VSIG10: variants seen among roughly 807,000 people sequenced by gnomAD.
VSIG10 encodes V-set and immunoglobulin domain-containing protein 10.
A neutral mutation model predicts 58.7 loss-of-function variants in VSIG10; 48 were observed. That is an observed-to-expected ratio of 0.82 (90% CI 0.65 to 1.04). The LOEUF (loss-of-function observed/expected upper bound fraction) is 1.04. VSIG10 is among the 50% of genes least tolerant of loss of function. The pLI is 0.00. For missense variants in VSIG10, 628 were observed against 670.0 expected (o/e 0.94, Z 0.69); for synonymous variants, 260 against 267.1 (o/e 0.97, Z 0.26).
In VSIG10 at chr12:118,095,586, C is replaced by A. The variant is rs1045379521; in HGVS notation, c.308G>T (p.Cys103Phe). The A allele has an allele frequency of 6.2e-7, 1 of 1,613,994 alleles. No homozygotes were observed. Among genetic ancestry groups the A allele is most frequent in the Non-Finnish European group, 8.5e-7 (1 of 1,179,898 alleles). The change falls in exon 2 of 9, where the codon TGC becomes TTC. Residue 103 changes from cysteine to phenylalanine, a missense_variant. Transcript: ENST00000359236. Reference sequence around the variant, plus strand: ...CTGAGTCACATTCAGGATCTCCTGGCAGGTGTAGATTCCCTCATCTCCCAG... The same window carrying A: ...CTGAGTCACATTCAGGATCTCCTGGAAGGTGTAGATTCCCTCATCTCCCAG... ...LSLGDEGIYT[C>F]QEILNVTQWF...
intron 6 of VSIG10, 40 bp downstream of exon 6, chr12:118,071,319 A>C (rs11613924): frequency 6.3e-7 from 1 of 1,585,174 alleles, no homozygotes; most frequent in Non-Finnish European, 8.6e-7. Context: ...ACCTTTTCAA[A>C]AGTCTGGAAG....
rs777729114 is a variant in VSIG10 at position 118,065,666 on chromosome 12, C to T, written c.*973G>A. ...AGCAGATACGCAACTTTAAAGAGTA[C>T]AAATTCAAGTCAGATTTTCATATTT... On this transcript the variant is annotated 3_prime_UTR_variant, in exon 9 of 9. Transcript: ENST00000359236. 6.6e-6 allele frequency: 1 copy of T among 152,192 alleles called. No homozygotes were observed. Among genetic ancestry groups the T allele is most frequent in the Non-Finnish European group, 1.5e-5 (1 of 68,052 alleles). 9.4% of individuals were successfully genotyped at this position (152,192 alleles called of 1,614,324 possible).
intron 1 of VSIG10, chr12:118,101,537 G>A (rs1174949632): frequency 6.6e-6 from 1 of 152,160 alleles, no homozygotes. Flanking sequence ...ATGTACAATA[G>A]AGAACCGAAG....
Position 118,095,831 on chromosome 12 carries a change from C to G in VSIG10, c.80-17G>C. The G allele has an allele frequency of 6.3e-7, 1 of 1,593,938 alleles. No individual in the cohort carries two copies. Among genetic ancestry groups the G allele is most frequent in the East Asian group, 2.3e-5 (1 of 44,308 alleles). ...CCTCCAATCCTGTACAAGGCAAGATCAGGCTGTTACTACCCTTCTTAATTT... is the reference window on the plus strand; with the variant it reads ...CCTCCAATCCTGTACAAGGCAAGATGAGGCTGTTACTACCCTTCTTAATTT... On this transcript the variant is annotated splice_polypyrimidine_tract_variant and intron_variant, in intron 1 of 8. Coordinates refer to ENST00000359236, the MANE Select transcript of VSIG10 (RefSeq NM_019086.6).
chr12:118,093,524 T>C (rs1356297153), intron 2 of VSIG10, among the ~76,000 whole-genome samples: 3 of 151,998 alleles, frequency 2.0e-5, no homozygotes, highest in African/African-American at 7.2e-5. Context: ...TAAATCCATA[T>C]GTGTATATCA....
intron 1 of VSIG10, 59 bp downstream of exon 1, chr12:118,103,534 C>A (rs1004694287): frequency 6.9e-7 from 1 of 1,456,910 alleles, no homozygotes. Context: ...CTCTCGCTGT[C>A]CCCTCCCCAC....
chr12:118,074,979 G>A (rs2032653514), intron 4 of VSIG10, among the ~76,000 whole-genome samples: 1 of 151,678 alleles, frequency 6.6e-6, no homozygotes, highest in Non-Finnish European at 1.5e-5. Flanking sequence ...ACAGTATATT[G>A]TTATACTTGT....
At chr12:118,074,091 T>TTTCGTTTTGC (rs2032615621) in intron 4 of VSIG10, 99 bp from the exon 5 acceptor site, 1 of 1,405,078 alleles carries the variant, frequency 7.1e-7, no homozygotes, top group African/African-American at 1.5e-5. Flanking sequence ...TTTTGTTTTG[T>TTTCGTTTTGC]TTTGTTTTGA....
intron 7 of VSIG10, 79 bp from the exon 8 acceptor site, chr12:118,068,676 A>G: frequency 7.0e-7 from 1 of 1,434,288 alleles, no homozygotes; most frequent in Non-Finnish European, 9.2e-7. Flanking sequence ...AGGAAACACT[A>G]GATTCTTTGC....
At chr12:118,071,262 A>C in intron 6 of VSIG10, 97 bp downstream of exon 6, 1 of 1,337,204 alleles carries the variant, frequency 7.5e-7, no homozygotes, top group Non-Finnish European at 1.1e-6. Context: ...CCCAGAGAAC[A>C]GAACTTCAGG....
intron 7 of VSIG10, among the ~76,000 whole-genome samples, chr12:118,070,283 C>T (rs1039836890): frequency 6.6e-6 from 1 of 152,096 alleles, no homozygotes. Flanking sequence ...TGCAGTGGCT[C>T]GTGCCTGTAA....
chr12:118,074,936 TGAGA>T (rs1283765789), intron 4 of VSIG10, among the ~76,000 whole-genome samples: 1 of 152,158 alleles, frequency 6.6e-6, no homozygotes, highest in African/African-American at 2.4e-5. Flanking sequence ...GTAGATATTT[TGAGA>T]GAAAGATCAC....
Position 118,079,570 on chromosome 12 carries a change from A to G in VSIG10, c.701T>C (p.Met234Thr), listed in dbSNP as rs1452419254. ...PPSAPQCWAQMASGSFMLQLT... is the reference protein window; with the variant it reads ...PPSAPQCWAQTASGSFMLQLT... Reference sequence around the variant, plus strand: ...CTGCAACATGAACGATCCTGATGCCATCTGTGCCCAGCACTGGGGAGCTGA... The same window carrying G: ...CTGCAACATGAACGATCCTGATGCCGTCTGTGCCCAGCACTGGGGAGCTGA... The change falls in exon 4 of 9, where the codon ATG becomes ACG. Residue 234 changes from methionine to threonine, a missense_variant. By Grantham distance (81) the Met-to-Thr change is moderately conservative. Transcript: ENST00000359236. 4 of 1,613,910 alleles carry G rather than the reference A, an allele frequency of 2.5e-6. No homozygotes were observed. Among genetic ancestry groups the G allele is most frequent in the African/African-American group, 2.7e-5 (2 of 74,938 alleles).
intron 7 of VSIG10, among the ~76,000 whole-genome samples, chr12:118,070,008 T>C (rs183778835): frequency 6.6e-6 from 1 of 152,160 alleles, no homozygotes; most frequent in Non-Finnish European, 1.5e-5. Context: ...TTACTAAGAA[T>C]GGCCCTCCAA....
intron 4 of VSIG10, among the ~76,000 whole-genome samples, chr12:118,078,878 G>A (rs538337967): frequency 2.8e-5 from 4 of 142,340 alleles, no homozygotes; most frequent in African/African-American, 5.2e-5. Flanking sequence ...GGCAGAGGCT[G>A]TAGTGAGCCA....
chr12:118,069,986 G>T (rs959846223), intron 7 of VSIG10, among the ~76,000 whole-genome samples: 2 of 152,074 alleles, frequency 1.3e-5, no homozygotes, highest in African/African-American at 4.8e-5. Context: ...ATAAGCCCAG[G>T]GAATGACAGA....
chr12:118,101,779 A>G (rs1190453211), intron 1 of VSIG10: 1 of 152,184 alleles, frequency 6.6e-6, no homozygotes, highest in African/African-American at 2.4e-5. Flanking sequence ...ACAAAAATAC[A>G]CCAAGCTCAG....
intron 1 of VSIG10, among the ~76,000 whole-genome samples, chr12:118,098,192 G>A (rs866846097): frequency 2.0e-5 from 3 of 152,078 alleles, no homozygotes; most frequent in Non-Finnish European, 4.4e-5. Context: ...AAAGAAGAGG[G>A]CTTTGGCTTT....
chr12:118,075,928 A>T (rs2032708777), intron 4 of VSIG10, among the ~76,000 whole-genome samples: 1 of 152,214 alleles, frequency 6.6e-6, no homozygotes, highest in African/African-American at 2.4e-5. Flanking sequence ...TCCCAGAATG[A>T]GGAGTTTTCA....
Sources: gnomAD v4.1 joint callset for allele counts (sites outside exome capture counted in the v4.1 genomes callset) on GRCh38, gnomAD v4.1.1 for gene constraint, MANE v1.5 for transcripts, NCBI Gene and HGNC (gene_info 2026-07-23, HGNC 2026-07-21) for gene names.